Variants in C8B observed in about 807,000 individuals in gnomAD.
The protein encoded by C8B is complement component C8 beta chain.
A neutral mutation model predicts 64.6 loss-of-function variants in C8B; 67 were observed. The ratio of observed to expected loss-of-function variants is 1.04; its 90% CI spans 0.85 to 1.27. The LOEUF (loss-of-function observed/expected upper bound fraction) is 1.27. C8B is among the 50% of genes most tolerant of loss of function. The probability of loss-of-function intolerance (pLI) is 0.00; values close to 1 mark genes in which losing one functional copy is unlikely to be tolerated. For missense variants in C8B, 790 were observed against 725.2 expected, an observed-to-expected ratio of 1.09 and a Z score of -1.03; for synonymous variants, 284 against 257.7, an observed-to-expected ratio of 1.10 and a Z score of -0.98.
At chr1:56,944,685 T>G (rs1182863248) in intron 7 of C8B, among the ~76,000 whole-genome samples, 5 of 152,354 alleles carry the variant, frequency 3.3e-5, no homozygotes, top group African/African-American at 1.2e-4. Flanking sequence ...TATTTAATGA[T>G]TAAGCCCTTT....
intron 9 of C8B, among the ~76,000 whole-genome samples, chr1:56,933,853 G>T (rs1644738202): frequency 1.3e-5 from 2 of 152,198 alleles, no homozygotes; most frequent in African/African-American, 4.8e-5. Context: ...GTAGAAAGAA[G>T]CAGGTGAGAG....
Position 56,956,884 on chromosome 1 carries a change from G to T in C8B, c.276C>A (p.Pro92=). 1 of 1,614,094 alleles carries T rather than the reference G, an allele frequency of 6.2e-7. No homozygotes were observed. Among genetic ancestry groups the T allele is most frequent in the Non-Finnish European group, 8.5e-7 (1 of 1,179,986 alleles). The stretch of plus-strand genomic sequence containing the variant: ...TGCACGGTTCCCCATGGAACTGAGA[G>T]GGCTGGAGCAAGTAGGCATACCTGT... ...KRYRYAYLLQ[P]SQFHGEPCNF... The change falls in exon 3 of 12, where the codon CCC becomes CCA. Residue 92 remains proline, a synonymous_variant. Coordinates refer to ENST00000371237, the MANE Select transcript of C8B (RefSeq NM_000066.4).
At position 56,956,775 on chromosome 1, in the gene C8B, G is replaced by T; in HGVS notation, c.385C>A (p.Gln129Lys). 1 of 1,613,950 alleles carries T rather than the reference G, an allele frequency of 6.2e-7. No homozygotes were observed. Among genetic ancestry groups the T allele is most frequent in the Non-Finnish European group, 8.5e-7 (1 of 1,179,970 alleles). ...CTCCTACATTGATTTATACCTGTCT[G>T]TGCACACACAAAGCCTTCACATCGC... Reference protein sequence around the residue: ...QVRCEGFVCAQTGRCVNRRLL... With the variant: ...QVRCEGFVCAKTGRCVNRRLL... The change falls in exon 3 of 12, where the codon CAG becomes AAG. Residue 129 changes from glutamine to lysine, a missense_variant. Transcript: ENST00000371237.
chr1:56,964,809 G>A (rs1337532143), intron 1 of C8B, among the ~76,000 whole-genome samples: 1 of 152,184 alleles, frequency 6.6e-6, no homozygotes, highest in Admixed American at 6.5e-5. Flanking sequence ...GGTTGCTATG[G>A]TTCCCTTAAG....
At chr1:56,957,146 G>T (rs1000787260) in intron 2 of C8B, among the ~76,000 whole-genome samples, 3 of 152,112 alleles carry the variant, frequency 2.0e-5, no homozygotes, top group Non-Finnish European at 4.4e-5. Flanking sequence ...CTCTCTGAGG[G>T]CAGGGACCTT....
At chr1:56,950,491 T>A (rs1300569824) in intron 5 of C8B, among the ~76,000 whole-genome samples, 1 of 152,110 alleles carries the variant, frequency 6.6e-6, no homozygotes, top group Non-Finnish European at 1.5e-5. Context: ...GGTACTGCCC[T>A]GGGGGCCCTG....
chr1:56,937,869 T>A (rs1644797395), intron 9 of C8B, among the ~76,000 whole-genome samples: 1 of 152,220 alleles, frequency 6.6e-6, no homozygotes, highest in East Asian at 1.9e-4. Context: ...ACCATTTCAC[T>A]AGGTCACAAG....
intron 9 of C8B, among the ~76,000 whole-genome samples, chr1:56,937,641 G>C (rs1292983972): frequency 6.6e-6 from 1 of 152,036 alleles, no homozygotes; most frequent in African/African-American, 2.4e-5. Context: ...AGGCCATTCA[G>C]TTATATTTTA....
At chr1:56,952,277 C>G (rs1219930186) in intron 4 of C8B, 97 bp from the exon 5 acceptor site, 1 of 1,545,804 alleles carries the variant, frequency 6.5e-7, no homozygotes. Context: ...AACTCCTTGG[C>G]ACAGCCTTCA....
chr1:56,933,949 T>C (rs652553), intron 9 of C8B, among the ~76,000 whole-genome samples: 134,848 of 152,038 alleles, frequency 0.89, 59,928 homozygotes, highest in South Asian at 0.97. Flanking sequence ...ATAGGGGTAC[T>C]GTCCCAACAT....
intron 9 of C8B, among the ~76,000 whole-genome samples, chr1:56,936,513 AATT>A (rs953758519): frequency 4.6e-4 from 30 of 64,922 alleles, no homozygotes; most frequent in South Asian, 9.5e-4. Flanking sequence ...ATTTGTGGTA[AATT>A]TTTTTTTTTT....
rs1323498393 is a variant in C8B, at chr1:56,956,762, T to C, written c.391+7A>G. The C allele has an allele frequency of 6.2e-7, 1 of 1,613,736 alleles. No homozygotes were observed. Among genetic ancestry groups the C allele is most frequent in the Non-Finnish European group, 8.5e-7 (1 of 1,179,926 alleles). ...CTTTCCCCTCTTACTCCTACATTGATTTATACCTGTCTGTGCACACACAAA... is the reference window on the plus strand; with the variant it reads ...CTTTCCCCTCTTACTCCTACATTGACTTATACCTGTCTGTGCACACACAAA... On this transcript the variant is annotated splice_region_variant and intron_variant, in intron 3 of 11. Coordinates refer to ENST00000371237, the MANE Select transcript of C8B (RefSeq NM_000066.4).
chr1:56,949,936 C>A (rs1644996950), intron 5 of C8B, among the ~76,000 whole-genome samples, 184 bp from the exon 6 acceptor site: 1 of 152,116 alleles, frequency 6.6e-6, no homozygotes, highest in Admixed American at 6.5e-5. Flanking sequence ...CAGAGACAGA[C>A]CTGATCAATA....
rs1165288289 is a variant in C8B, at chr1:56,962,489, T to C, written c.93-2313A>G. Among the ~76,000 whole-genome samples, 3 of 152,298 alleles carry C rather than the reference T, an allele frequency of 2.0e-5. No individual in the cohort carries two copies. The South Asian group carries it at 6.2e-4, about 32-fold the overall frequency. On this transcript the variant is annotated intron_variant, in intron 1 of 11. Transcript: ENST00000371237. ...GAACAACATGAGCCTTTCACCCCTA[T>C]GGATTTCTATAGAAACAAACCTGAT...
chr1:56,951,991 C>T (rs1340291744), intron 5 of C8B, 57 bp downstream of exon 5: 1 of 1,610,408 alleles, frequency 6.2e-7, no homozygotes, highest in African/African-American at 1.3e-5. Context: ...GACCATGGAC[C>T]CTGCTAACTG....
chr1:56,965,272 C>T (rs1308012723), intron 1 of C8B, among the ~76,000 whole-genome samples: 1 of 152,102 alleles, frequency 6.6e-6, no homozygotes, highest in Non-Finnish European at 1.5e-5. Context: ...CAAGTTTGAG[C>T]TCCCACTAGG....
In C8B at chr1:56,952,090, C is replaced by A. The variant is rs148088012; in HGVS notation, c.624G>T (p.Thr208=). ...CCACATTGTAGGGCTTCCTAAACCTCGTGTTCAGGATGTAATGCGGGGAGC... is the reference window on the plus strand; with the variant it reads ...CCACATTGTAGGGCTTCCTAAACCTAGTGTTCAGGATGTAATGCGGGGAGC... ...GGCSPHYILN[T]RFRKPYNVES... Residue 208 remains threonine (T), a synonymous_variant, in exon 5 of 12, where the codon ACG becomes ACT. Coordinates refer to ENST00000371237, the MANE Select transcript of C8B (RefSeq NM_000066.4). 2 of 1,614,142 alleles carry A rather than the reference C, an allele frequency of 1.2e-6. No homozygotes were observed. Among genetic ancestry groups the A allele is most frequent in the Admixed American group, 1.7e-5 (1 of 60,024 alleles).
chr1:56,931,855 G>A lies in C8B; in HGVS notation c.1576C>T (p.Pro526Ser), dbSNP rs1431181739. ...LKGSRCDCIC[P>S]VGSQGLACEV... ...CAGGCTAGGCCTTGGGATCCAACAG[G>A]ACAGATGCAGTCACAGCGTGATCCT... Residue 526 changes from proline to serine, a missense_variant, in exon 11 of 12, where the codon CCT (proline) becomes TCT (serine). By Grantham distance (74) the Pro-to-Ser change is moderately conservative. Transcript: ENST00000371237. The A allele has an allele frequency of 6.2e-7, 1 of 1,612,400 alleles. No individual in the cohort carries two copies. Among genetic ancestry groups the A allele is most frequent in the South Asian group, 1.1e-5 (1 of 91,048 alleles).
intron 9 of C8B, among the ~76,000 whole-genome samples, chr1:56,936,255 C>T (rs2101369284): frequency 6.6e-6 from 1 of 152,310 alleles, no homozygotes; most frequent in East Asian, 1.9e-4. Flanking sequence ...ATAATTGTAT[C>T]AAATTATATT....
Sources: allele counts gnomAD v4.1 joint callset (sites outside exome capture counted in the v4.1 genomes callset), GRCh38; gene constraint gnomAD v4.1.1; transcripts MANE v1.5; gene names NCBI Gene and HGNC (gene_info 2026-07-23, HGNC 2026-07-21).